LTBP2: variants seen among roughly 807,000 people sequenced by gnomAD.
The protein encoded by LTBP2 is latent-transforming growth factor beta-binding protein 2.
Under a neutral mutation model 210.6 loss-of-function variants are expected in LTBP2, and 103 were observed. That is an observed-to-expected ratio of 0.49 (90% CI 0.42 to 0.58). The LOEUF is 0.58. LTBP2 is among the 20% of genes least tolerant of loss of function. LTBP2 has a pLI of 0.00. For synonymous variants in LTBP2, 1,007 were observed against 1,015.0 expected, an observed-to-expected ratio of 0.99 and a Z score of 0.15; for missense variants, 2,313 against 2,494.5, an observed-to-expected ratio of 0.93 and a Z score of 1.55.
Position 74,498,927 on chromosome 14 carries a change from T to TCTTC in LTBP2, c.*1956_*1957insGAAG, listed in dbSNP as rs1408360456. On this transcript the variant is annotated 3_prime_UTR_variant, in exon 36 of 36. Coordinates refer to ENST00000261978, the MANE Select transcript of LTBP2 (RefSeq NM_000428.3). Reference sequence around the variant, plus strand: ...ATAGCAATTAATTGTTTCTAATCTTTAGCTATTACAAATGATGCAGTAATA... The same window carrying TCTTC: ...ATAGCAATTAATTGTTTCTAATCTTTCTTCAGCTATTACAAATGATGCAGTAATA... The TCTTC allele has an allele frequency of 1.8e-5, 4 of 225,256 alleles. No homozygotes were observed. The highest frequency in any genetic ancestry group is 8.9e-5 in the African/African-American group (4 of 45,028). 14.0% of individuals were successfully genotyped at this position (225,256 alleles called of 1,614,324 possible).
rs2087416648 is a variant in LTBP2, at chr14:74,536,011, G to A, written c.1790-11C>T. Reference sequence around the variant, plus strand: ...CAATCACCGGGGAGGCTGAAGAGTGGAGATACGGACAGGTCTCACTGGACG... The same window carrying A: ...CAATCACCGGGGAGGCTGAAGAGTGAAGATACGGACAGGTCTCACTGGACG... On this transcript the variant is annotated splice_polypyrimidine_tract_variant and intron_variant, in intron 8 of 35. Transcript: ENST00000261978. 3 of 1,613,224 alleles carry A rather than the reference G, an allele frequency of 1.9e-6. No homozygotes were observed. Among genetic ancestry groups the A allele is most frequent in the Non-Finnish European group, 2.5e-6 (3 of 1,179,202 alleles).
At chr14:74,510,005 T>C in intron 20 of LTBP2, 86 bp downstream of exon 20, 2 of 1,611,648 alleles carry the variant, frequency 1.2e-6, no homozygotes. Flanking sequence ...AGGGGTGGAT[T>C]CAGGGGGCCA....
chr14:74,507,875 C>G (rs910365806), intron 25 of LTBP2, 98 bp downstream of exon 25: 2 of 1,537,514 alleles, frequency 1.3e-6, no homozygotes, highest in Non-Finnish European at 1.8e-6. Context: ...GACACTTCAT[C>G]TGTGGAAAGT....
chr14:74,508,390 C>A (rs2087019604), intron 24 of LTBP2, among the ~76,000 whole-genome samples: 1 of 151,990 alleles, frequency 6.6e-6, no homozygotes, highest in Non-Finnish European at 1.5e-5. Flanking sequence ...GAGACTGAGT[C>A]CCTCCCTCCC....
At chr14:74,540,386 T>C (rs1566629600) in intron 8 of LTBP2, among the ~76,000 whole-genome samples, 2 of 151,936 alleles carry the variant, frequency 1.3e-5, no homozygotes, top group Non-Finnish European at 2.9e-5. Context: ...GGTGGGAGAA[T>C]TCTTTGAGCC....
chr14:74,578,297 G>A (rs941636276), intron 3 of LTBP2, among the ~76,000 whole-genome samples: 1 of 152,190 alleles, frequency 6.6e-6, no homozygotes, highest in Admixed American at 6.5e-5. Flanking sequence ...TTATTGGACC[G>A]ACTGTGTGGC....
chr14:74,575,315 G>A (rs939016503), intron 3 of LTBP2, among the ~76,000 whole-genome samples: 4 of 152,256 alleles, frequency 2.6e-5, no homozygotes, highest in African/African-American at 9.6e-5. Flanking sequence ...CCCCCTTTCA[G>A]GGGAACCTCG....
At chr14:74,533,395 G>T (rs572478960) in intron 9 of LTBP2, among the ~76,000 whole-genome samples, 2 of 152,294 alleles carry the variant, frequency 1.3e-5, no homozygotes, top group African/African-American at 4.8e-5. Context: ...CAGATCAGGG[G>T]GACTGTGTGG....
At chr14:74,570,597 C>T (rs966313301) in intron 3 of LTBP2, among the ~76,000 whole-genome samples, 1 of 152,054 alleles carries the variant, frequency 6.6e-6, no homozygotes, top group Non-Finnish European at 1.5e-5. Context: ...AATCTGTCAA[C>T]CTATGATGTG....
In LTBP2 at chr14:74,582,389, CACAT is replaced by C. The variant is rs1339612712; in HGVS notation, c.830+3461_830+3464del. Among the ~76,000 whole-genome samples the C allele has an allele frequency of 7.1e-3, 731 of 103,156 alleles. 9 individuals are homozygous for C. Among genetic ancestry groups the C allele is most frequent in the African/African-American group, 0.029 (703 of 24,610 alleles). The allele number at this position is 103,156 out of a possible 152,430, so 67.7% of individuals were successfully genotyped here. ...CCTGTTCTGTGTACATGCACACACACACATACATACACACACACACACACACACA... is the reference window on the plus strand; with the variant it reads ...CCTGTTCTGTGTACATGCACACACACACATACACACACACACACACACACA... On this transcript the variant is annotated intron_variant, in intron 3 of 35. Transcript: ENST00000261978.
intron 3 of LTBP2, among the ~76,000 whole-genome samples, chr14:74,564,231 A>T (rs866542969): frequency 4.5e-4 from 7 of 15,500 alleles, no homozygotes; most frequent in African/African-American, 7.0e-4. Context: ...TTATATATAT[A>T]TTTATATATA....
At chr14:74,544,275 A>C (rs2087550971) in intron 8 of LTBP2, among the ~76,000 whole-genome samples, 1 of 152,202 alleles carries the variant, frequency 6.6e-6, no homozygotes, top group Non-Finnish European at 1.5e-5. Context: ...CCAGTTCAGC[A>C]AATGCTTGTG....
rs74065447 is a variant in LTBP2 at position 74,571,746 on chromosome 14, C to T, written c.830+14108G>A. On this transcript the variant is annotated intron_variant, in intron 3 of 35. Coordinates refer to ENST00000261978, the MANE Select transcript of LTBP2 (RefSeq NM_000428.3). ...AGACTCCCTCAAGTGGCCTCTGCTGCGGGCACTCGCGGGTGGACATGTTAC... is the reference window on the plus strand; with the variant it reads ...AGACTCCCTCAAGTGGCCTCTGCTGTGGGCACTCGCGGGTGGACATGTTAC... Among the ~76,000 whole-genome samples, 274 of 152,308 alleles carry T rather than the reference C, an allele frequency of 1.8e-3. 2 individuals are homozygous for T. The highest frequency in any genetic ancestry group is 6.2e-3 in the African/African-American group (256 of 41,564).
chr14:74,597,099 T>C (rs1262403771), intron 2 of LTBP2, among the ~76,000 whole-genome samples: 1 of 151,720 alleles, frequency 6.6e-6, no homozygotes. Context: ...AAACCCACAG[T>C]TTAGTAGTGA....
chr14:74,611,718 T>G lies in LTBP2; in HGVS notation c.227A>C (p.Asp76Ala). 1 of 1,596,082 alleles carries G rather than the reference T, an allele frequency of 6.3e-7. No individual in the cohort carries two copies. The highest frequency in any genetic ancestry group is 8.5e-7 in the Non-Finnish European group (1 of 1,176,496). ...AKVYSLFREQ[D>A]APVAGLQPVE... ...GGGCTGCAAGCCCGCGACAGGCGCG[T>G]CCTGCTCCCGGAACAGACTGTACAC... Residue 76 changes from aspartate to alanine, a missense_variant, in exon 1 of 36, where the codon GAC becomes GCC. Physicochemically the swap from Asp to Ala is moderately radical, Grantham distance 126. Around this residue, in one of 3 missense-constraint regions of LTBP2, gnomAD observed 1,867 missense variants for 1,976.9 expected, o/e 0.94. Transcript: ENST00000261978.
Position 74,528,631 on chromosome 14 carries a change from G to A in LTBP2, c.2220C>T (p.Ser740=). Residue 740 remains serine, a synonymous_variant, in exon 12 of 36, where the codon TCC becomes TCT. Coordinates refer to ENST00000261978, the MANE Select transcript of LTBP2 (RefSeq NM_000428.3). ...YTYASSDIRL[S]MRKAEEEELA... is the part of the protein sequence containing the mutation. ...GTTCCTCCTCCTCGGCTTTCCTCAT[G>A]GACAGGCGGATGTCGGAGCTCGCGT... 2.5e-6 allele frequency: 4 copies of A among 1,613,578 alleles called. No individual in the cohort carries two copies. Among genetic ancestry groups the A allele is most frequent in the Non-Finnish European group, 3.4e-6 (4 of 1,180,044 alleles).
chr14:74,610,492 GC>G (rs894573156), intron 1 of LTBP2, among the ~76,000 whole-genome samples: 1 of 152,196 alleles, frequency 6.6e-6, no homozygotes, highest in Non-Finnish European at 1.5e-5. Context: ...GGCAAATCGG[GC>G]CCAGGCAAAG....
chr14:74,549,758 C>G (rs2087625381), intron 8 of LTBP2, 105 bp downstream of exon 8: 9 of 944,530 alleles, frequency 9.5e-6, no homozygotes. Flanking sequence ...CCAGCCTGTT[C>G]TACCTGCCTG....
intron 8 of LTBP2, among the ~76,000 whole-genome samples, chr14:74,540,770 AT>A (rs1248641535): frequency 1.2e-5 from 1 of 81,908 alleles, no homozygotes; most frequent in African/African-American, 4.1e-5. Context: ...ATCTTAAAAA[AT>A]ATATATATAT....
Sources: allele counts gnomAD v4.1 joint callset (sites outside exome capture counted in the v4.1 genomes callset), GRCh38; gene constraint gnomAD v4.1.1; regional missense constraint gnomAD v4.1.1; transcripts MANE v1.5; gene names NCBI Gene and HGNC (gene_info 2026-07-23, HGNC 2026-07-21).